The following NXPE2 variants were observed in gnomAD, a reference collection of about 807,000 sequenced individuals.
NXPE2 encodes neurexophilin and PC-esterase domain family member 2.
Under a neutral mutation model 34.4 loss-of-function variants are expected in NXPE2, and 34 were observed. That is an observed-to-expected ratio of 0.99 (90% CI 0.75 to 1.31). The LOEUF (loss-of-function observed/expected upper bound fraction) is 1.31. Ranked by LOEUF, NXPE2 falls within the 40% of genes most tolerant of loss-of-function variation. NXPE2 has a pLI of 0.00. For synonymous variants in NXPE2, 235 were observed against 231.3 expected, an observed-to-expected ratio of 1.02 and a Z score of -0.15; for missense variants, 649 against 672.5, an observed-to-expected ratio of 0.97 and a Z score of 0.39.
chr11:114,809,724 A>G, the NXPE2 span, among the ~76,000 whole-genome samples: 1 of 142,264 alleles, frequency 7.0e-6, no homozygotes, highest in Non-Finnish European at 1.5e-5. Context: ...TTCCATGCTC[A>G]TGGGTAGGAA....
At chr11:114,572,974 T>C in the NXPE2 span, among the ~76,000 whole-genome samples, 1 of 152,158 alleles carries the variant, frequency 6.6e-6, no homozygotes, top group Non-Finnish European at 1.5e-5. Context: ...AGGTATCAGG[T>C]AACCTATAAA....
chr11:114,790,523 T>A, the NXPE2 span, among the ~76,000 whole-genome samples: 1 of 152,160 alleles, frequency 6.6e-6, no homozygotes, highest in Non-Finnish European at 1.5e-5. Context: ...TCACGAGGTT[T>A]TATCAGCACA....
the NXPE2 span, among the ~76,000 whole-genome samples, chr11:114,617,298 A>C: frequency 3.4e-5 from 5 of 148,326 alleles, no homozygotes; most frequent in Non-Finnish European, 7.5e-5. Flanking sequence ...ACCATTACCC[A>C]CCAGATACTA....
chr11:114,705,755 C>T (rs542950805), intron 4 of NXPE2, 26 bp from the exon 5 acceptor site: 12 of 1,340,686 alleles, frequency 9.0e-6, no homozygotes, highest in Non-Finnish European at 1.2e-5. Flanking sequence ...ATAAAAATTA[C>T]TTAATCTGGA....
At chr11:114,672,229 C>T in the NXPE2 span, among the ~76,000 whole-genome samples, 1 of 151,840 alleles carries the variant, frequency 6.6e-6, no homozygotes, top group Admixed American at 6.6e-5. Flanking sequence ...GACACAGAAC[C>T]AAACCATATC....
At chr11:114,538,984 C>T in the NXPE2 span, among the ~76,000 whole-genome samples, 3 of 149,124 alleles carry the variant, frequency 2.0e-5, no homozygotes, top group Non-Finnish European at 3.0e-5. Flanking sequence ...CACATGCACA[C>T]GTGTGTTTAT....
the NXPE2 span, among the ~76,000 whole-genome samples, chr11:114,606,530 T>C: frequency 7.0e-6 from 1 of 142,936 alleles, no homozygotes; most frequent in Non-Finnish European, 1.5e-5. Context: ...CTGTTACCCT[T>C]TGGATAATAA....
the NXPE2 span, among the ~76,000 whole-genome samples, chr11:114,789,357 TATG>T: frequency 6.6e-6 from 1 of 152,230 alleles, no homozygotes; most frequent in Non-Finnish European, 1.5e-5. Context: ...TGTATAAAAA[TATG>T]AACTCAAACC....
chr11:114,579,914 T>C, the NXPE2 span, among the ~76,000 whole-genome samples: 1 of 152,178 alleles, frequency 6.6e-6, no homozygotes, highest in Non-Finnish European at 1.5e-5. Flanking sequence ...TCTGCAGAGA[T>C]AGGGATGTAA....
chr11:114,499,073 ATAT>A, the NXPE2 span, among the ~76,000 whole-genome samples: 4 of 152,228 alleles, frequency 2.6e-5, no homozygotes, highest in African/African-American at 9.6e-5. Context: ...ATGGTTATTG[ATAT>A]CCAGATGAAC....
the NXPE2 span, among the ~76,000 whole-genome samples, chr11:114,531,869 A>G: frequency 3.9e-5 from 6 of 152,200 alleles, no homozygotes; most frequent in Non-Finnish European, 8.8e-5. Context: ...ATAAGCACTC[A>G]AATTCAGTGA....
At chr11:114,637,311 G>A in the NXPE2 span, among the ~76,000 whole-genome samples, 1 of 151,464 alleles carries the variant, frequency 6.6e-6, no homozygotes, top group African/African-American at 2.4e-5. Flanking sequence ...TTTTCCATTT[G>A]CTTGGTAGAT....
the NXPE2 span, among the ~76,000 whole-genome samples, chr11:114,486,769 A>G: frequency 4.6e-5 from 7 of 152,006 alleles, no homozygotes; most frequent in Non-Finnish European, 8.8e-5. Context: ...TCCCCAATGT[A>G]TATTCTTGGT....
chr11:114,523,079 A>G, the NXPE2 span: 1 of 1,612,120 alleles, frequency 6.2e-7, no homozygotes, highest in Non-Finnish European at 8.5e-7. Flanking sequence ...TGTCTCTTCT[A>G]TTTTTTCTCT....
chr11:114,707,754 G>C (rs1338620559), downstream of NXPE2, among the ~76,000 whole-genome samples: 1 of 152,160 alleles, frequency 6.6e-6, no homozygotes, highest in African/African-American at 2.4e-5. Context: ...TTCTGAATTT[G>C]ACTATTTTAG....
chr11:114,706,734 T>C lies in NXPE2; in HGVS notation c.1484T>C (p.Ile495Thr), dbSNP rs7108474. 545 of 1,552,338 alleles carry C rather than the reference T, an allele frequency of 3.5e-4. 4 individuals carry two copies. In the African/African-American group the frequency reaches 6.1e-3, roughly 17 times the overall value. The change falls in exon 6 of 6, where the codon ATA becomes ACA. Residue 495 changes from isoleucine (I) to threonine (T), a missense_variant. Transcript: ENST00000389586. The part of the protein sequence containing the change: ...VILKTENTRE[I>T]EQNAEMFSDF... Reference sequence around the variant, plus strand: ...CTTAAAACTGAAAACACCAGAGAGATAGAACAAAATGCAGAGATGTTCAGT... The same window carrying C: ...CTTAAAACTGAAAACACCAGAGAGACAGAACAAAATGCAGAGATGTTCAGT...
the NXPE2 span, among the ~76,000 whole-genome samples, chr11:114,651,887 C>A: frequency 6.6e-6 from 1 of 152,140 alleles, no homozygotes; most frequent in Non-Finnish European, 1.5e-5. Flanking sequence ...GCTGGCTTCA[C>A]CTCTCAATAA....
the NXPE2 span, among the ~76,000 whole-genome samples, chr11:114,489,664 A>T: frequency 6.6e-6 from 1 of 152,242 alleles, no homozygotes; most frequent in Non-Finnish European, 1.5e-5. Flanking sequence ...ACAACGCTTC[A>T]TGCTAGAAAC....
the NXPE2 span, among the ~76,000 whole-genome samples, chr11:114,727,953 A>C: frequency 6.6e-6 from 1 of 152,040 alleles, no homozygotes; most frequent in African/African-American, 2.4e-5. Context: ...GAAAGTAAAA[A>C]TTAGTCCATA....
Sources: gnomAD v4.1 joint callset for allele counts (sites outside exome capture counted in the v4.1 genomes callset) on GRCh38, gnomAD v4.1.1 for gene constraint, MANE v1.5 for transcripts, NCBI Gene and HGNC (gene_info 2026-07-23, HGNC 2026-07-21) for gene names.